ANKAR: variants seen among roughly 807,000 people sequenced by gnomAD.
The protein encoded by ANKAR is ankyrin and armadillo repeat containing, also known as ankyrin and armadillo repeat-containing protein.
Under a neutral mutation model 146.2 loss-of-function variants are expected in ANKAR, and 136 were observed. The ratio of observed to expected loss-of-function variants is 0.93; its 90% CI spans 0.81 to 1.07. The LOEUF is 1.07. Ranked by LOEUF, ANKAR falls within the 50% of genes least tolerant of loss-of-function variation. The pLI, the probability that ANKAR is intolerant of heterozygous loss-of-function variation, is 0.00. For missense variants in ANKAR, 1,567 were observed against 1,679.9 expected (o/e 0.93, Z 1.18); for synonymous variants, 500 against 575.8 (o/e 0.87, Z 1.88).
chr2:189,706,788 A>G (rs988356422), intron 8 of ANKAR, 150 bp from the exon 9 acceptor site: 1 of 601,910 alleles, frequency 1.7e-6, no homozygotes, highest in Non-Finnish European at 2.9e-6. Context: ...AGGCAAATCC[A>G]TTTACATGTA....
chr2:189,685,708 G>T lies in ANKAR; in HGVS notation c.602-3819G>T, dbSNP rs78251814. ...TGTCCCCCAGATGTTGTATCTGCAG[G>T]TGTGTTTCCTCCAGTATCCTGCTTG... On this transcript the variant is annotated intron_variant, in intron 2 of 22. Transcript: ENST00000684021. 4.6e-5 allele frequency among the ~76,000 whole-genome samples: 7 copies of T among 152,194 alleles called. No homozygotes were observed. In the South Asian group the frequency reaches 1.4e-3, roughly 32 times the overall value.
downstream of ANKAR, among the ~76,000 whole-genome samples, chr2:189,749,780 T>C (rs1201725814): frequency 6.6e-6 from 1 of 152,206 alleles, no homozygotes; most frequent in East Asian, 1.9e-4. Flanking sequence ...TAACATATTA[T>C]GTTAGAGAAA....
chr2:189,692,214 C>G, intron 3 of ANKAR, 41 bp from the exon 4 acceptor site: 2 of 1,520,196 alleles, frequency 1.3e-6, no homozygotes, highest in Admixed American at 4.2e-5. Flanking sequence ...ACTTTATGTG[C>G]TGTTCACTTT....
chr2:189,693,575 A>G (rs1333983443), intron 5 of ANKAR, among the ~76,000 whole-genome samples: 2 of 152,186 alleles, frequency 1.3e-5, no homozygotes, highest in East Asian at 3.9e-4. Context: ...AAGATTTAAA[A>G]ACAAATAAGG....
intron 12 of ANKAR, among the ~76,000 whole-genome samples, chr2:189,726,527 G>A (rs2041896247): frequency 6.6e-6 from 1 of 151,892 alleles, no homozygotes; most frequent in Admixed American, 6.6e-5. Flanking sequence ...CCAAACTGAG[G>A]AAAATTCTCT....
intron 20 of ANKAR, among the ~76,000 whole-genome samples, chr2:189,742,865 G>GACAC (rs58780931): frequency 0.18 from 7,802 of 42,920 alleles, 592 homozygotes; most frequent in Non-Finnish European, 0.26. Context: ...AGAATTACCT[G>GACAC]ACACACACAC....
chr2:189,710,527 C>T (rs915873342), intron 9 of ANKAR, among the ~76,000 whole-genome samples: 1 of 152,206 alleles, frequency 6.6e-6, no homozygotes, highest in Non-Finnish European at 1.5e-5. Flanking sequence ...CAGCCAGGCA[C>T]AGTGGCTCAT....
At chr2:189,749,451 G>C (rs1038360189), downstream of ANKAR, among the ~76,000 whole-genome samples, 1 of 151,622 alleles carries the variant, frequency 6.6e-6, no homozygotes, top group African/African-American at 2.4e-5. Flanking sequence ...TCCAGATATA[G>C]AGGGTTACAT....
Position 189,689,905 on chromosome 2 carries a change from T to G in ANKAR, c.980T>G (p.Leu327Arg), listed in dbSNP as rs761782536. 6.4e-7 allele frequency: 1 copy of G among 1,568,810 alleles called. No homozygotes were observed. Among genetic ancestry groups the G allele is most frequent in the Non-Finnish European group, 8.6e-7 (1 of 1,165,010 alleles). The change falls in exon 3 of 23, where the codon CTG (leucine) becomes CGG (arginine). Residue 327 changes from leucine (L) to arginine (R), a missense_variant. Leu to Arg is a moderately radical substitution (Grantham distance 102, BLOSUM62 -2). Transcript: ENST00000684021. The stretch of plus-strand genomic sequence containing the variant: ...ATATGTTTTCTGATTCCATTTCTAC[T>G]GAGTTTAAAGAAGAAAATGAAAGTT... ...KLICFLIPFL[L>R]SLKKKMKVPY...
chr2:189,717,457 G>A (rs2040622931), intron 10 of ANKAR, among the ~76,000 whole-genome samples: 1 of 152,160 alleles, frequency 6.6e-6, no homozygotes. Flanking sequence ...GAGAGGATGT[G>A]GAGAAATAGG....
chr2:189,747,730 T>C (rs1574818108), downstream of ANKAR, among the ~76,000 whole-genome samples: 1 of 152,196 alleles, frequency 6.6e-6, no homozygotes. Context: ...TCTTGCTCTG[T>C]CACCCAGGCT....
At position 189,743,463 on chromosome 2, in the gene ANKAR, TC is replaced by T. The variant is rs1318529068; in HGVS notation, c.4001del (p.Pro1334LeufsTer3). On this transcript the variant is annotated frameshift_variant, in exon 21 of 23. Transcript: ENST00000684021. LOFTEE classifies it high-confidence loss of function. ...FQMQQTLVGL[P>X]SLSLEKNGGP... The stretch of plus-strand genomic sequence containing the variant: ...AAATGCAACAAACACTGGTGGGACT[TC>T]CTTCCTTAAGGTATGGTCCTATGTT... 3.7e-6 allele frequency: 6 copies of T among 1,613,256 alleles called. No homozygotes were observed.
chr2:189,739,366 G>A (rs1363553185), intron 19 of ANKAR, among the ~76,000 whole-genome samples: 3 of 152,102 alleles, frequency 2.0e-5, no homozygotes, highest in African/African-American at 7.2e-5. Flanking sequence ...TTTACTTGAT[G>A]CCATAGAATT....
chr2:189,695,877 C>A (rs1158352659), intron 6 of ANKAR, among the ~76,000 whole-genome samples: 1 of 152,028 alleles, frequency 6.6e-6, no homozygotes, highest in Non-Finnish European at 1.5e-5. Context: ...AGAGAAGGAA[C>A]CCAATGATCT....
intron 9 of ANKAR, 21 bp downstream of exon 9, chr2:189,707,167 A>G (rs1299431255): frequency 7.5e-7 from 1 of 1,332,314 alleles, no homozygotes; most frequent in Non-Finnish European, 1.0e-6. Flanking sequence ...TCTCTTTATA[A>G]ATACATGTTC....
Position 189,728,686 on chromosome 2 carries a change from A to G in ANKAR, c.3058A>G (p.Lys1020Glu). The change falls in exon 15 of 23, where the codon AAG becomes GAG. Residue 1020 changes from lysine (K) to glutamate (E), a missense_variant. Physicochemically the swap from Lys to Glu is moderately conservative, Grantham distance 56. Coordinates refer to ENST00000684021, the MANE Select transcript of ANKAR (RefSeq NM_001378068.1). ...VGGEAVIALSKDSRMHQNQIC... is the reference protein window; with the variant it reads ...VGGEAVIALSEDSRMHQNQIC... ...AGGTGAAGCTGTCATAGCTCTAAGTAAGGACAGCAGGATGCATCAAAATCA... is the reference window on the plus strand; with the variant it reads ...AGGTGAAGCTGTCATAGCTCTAAGTGAGGACAGCAGGATGCATCAAAATCA... 1 of 1,611,668 alleles carries G rather than the reference A, an allele frequency of 6.2e-7. No homozygotes were observed. The highest frequency in any genetic ancestry group is 8.5e-7 in the Non-Finnish European group (1 of 1,177,818).
intron 7 of ANKAR, among the ~76,000 whole-genome samples, chr2:189,704,353 C>A (rs371486466): frequency 2.1e-4 from 32 of 150,840 alleles, no homozygotes; most frequent in African/African-American, 7.0e-4. Context: ...CCATGTTGGC[C>A]AGGCTGGTCT....
rs572724645 is a variant in ANKAR, at chr2:189,689,396, G to A, written c.602-131G>A. ...CTTAGAATTATATATTTGGTTTACA[G>A]CATCTAATTTTTCCTTTACTGTCGT... On this transcript the variant is annotated intron_variant, in intron 2 of 22. Coordinates refer to ENST00000684021, the MANE Select transcript of ANKAR (RefSeq NM_001378068.1). 8 of 757,944 alleles carry A rather than the reference G, an allele frequency of 1.1e-5. No homozygotes were observed. In the East Asian group the frequency reaches 1.1e-4, roughly 10 times the overall value. 47.0% of individuals were successfully genotyped at this position (757,944 alleles called of 1,614,324 possible). A position where few individuals can be genotyped will look rare whatever the true frequency, so the allele number is the denominator to read the frequency against.
rs2036121480 is a variant in ANKAR at position 189,689,680 on chromosome 2, C to T, written c.755C>T (p.Thr252Ile). ...NIMLKLTFSTTQIQQYENVFI... is the reference protein window; with the variant it reads ...NIMLKLTFSTIQIQQYENVFI... The stretch of plus-strand genomic sequence containing the variant: ...ATGCTAAAGTTAACATTCAGTACCA[C>T]ACAAATTCAACAGTATGAAAATGTC... The change falls in exon 3 of 23, where the codon ACA becomes ATA. Residue 252 changes from threonine (T) to isoleucine (I), a missense_variant. Transcript: ENST00000684021. The T allele has an allele frequency of 6.2e-7, 1 of 1,613,662 alleles. No individual in the cohort carries two copies.
Sources: allele counts gnomAD v4.1 joint callset (sites outside exome capture counted in the v4.1 genomes callset), GRCh38; gene constraint gnomAD v4.1.1; transcripts MANE v1.5; gene names NCBI Gene and HGNC (gene_info 2026-07-23, HGNC 2026-07-21).